Variants in GLI2 observed in about 807,000 individuals in gnomAD.
GLI2 encodes the protein GLI family zinc finger 2, also known as transcription activator GLI2.
Under a neutral mutation model 78.9 loss-of-function variants are expected in GLI2, and 22 were observed. The ratio of observed to expected loss-of-function variants is 0.28; its 90% CI spans 0.20 to 0.40. The LOEUF is 0.40. Ranked by LOEUF, GLI2 falls within the 10% of genes least tolerant of loss-of-function variation. The pLI is 1.00. For missense variants in GLI2, 2,097 were observed against 2,213.2 expected (o/e 0.95, Z 1.05); for synonymous variants, 974 against 963.7 (o/e 1.01, Z -0.20).
chr2:120,916,827 T>A (rs554279653), intron 2 of GLI2, among the ~76,000 whole-genome samples: 95 of 152,324 alleles, frequency 6.2e-4, no homozygotes, highest in African/African-American at 2.2e-3. Context: ...AGCCTGTGTA[T>A]GTCAAGGCCA....
chr2:120,797,167 C>A (rs1684433538), intron 1 of GLI2, 124 bp from the exon 2 acceptor site: 2 of 753,158 alleles, frequency 2.7e-6, no homozygotes, highest in East Asian at 2.5e-5. Context: ...CCCTCCTTCC[C>A]AATTATAAGA....
intron 2 of GLI2, among the ~76,000 whole-genome samples, chr2:120,906,877 G>A (rs1362637704): frequency 6.6e-6 from 1 of 152,144 alleles, no homozygotes; most frequent in Non-Finnish European, 1.5e-5. Context: ...TTGAGCATGA[G>A]TGCACCCCTC....
intron 2 of GLI2, among the ~76,000 whole-genome samples, chr2:120,923,715 CAG>C (rs1679518257): frequency 2.0e-5 from 3 of 152,206 alleles, no homozygotes; most frequent in East Asian, 1.9e-4. Flanking sequence ...CGTACTACAA[CAG>C]AGACACACAC....
intron 1 of GLI2, among the ~76,000 whole-genome samples, chr2:120,771,415 A>G (rs1683518395): frequency 6.6e-6 from 1 of 152,230 alleles, no homozygotes; most frequent in Admixed American, 6.5e-5. Flanking sequence ...CCGCATCTGT[A>G]AAATGACTGG....
chr2:120,816,752 C>T (rs193167034), intron 2 of GLI2, among the ~76,000 whole-genome samples: 1 of 152,192 alleles, frequency 6.6e-6, no homozygotes, highest in Admixed American at 6.5e-5. Context: ...TGCATTGAGT[C>T]TGTTGCACTA....
intron 2 of GLI2, among the ~76,000 whole-genome samples, chr2:120,910,669 G>A (rs914090265): frequency 6.6e-6 from 1 of 152,182 alleles, no homozygotes. Flanking sequence ...GGCAGAAGAG[G>A]GGCCCATTTT....
At chr2:120,768,818 T>C (rs1393529218) in intron 1 of GLI2, among the ~76,000 whole-genome samples, 2 of 151,934 alleles carry the variant, frequency 1.3e-5, no homozygotes, top group Non-Finnish European at 2.9e-5. Context: ...TGTGTGTGTG[T>C]GTGTGTGTGT....
intron 3 of GLI2, among the ~76,000 whole-genome samples, chr2:120,934,803 C>G (rs1377773089): frequency 6.6e-6 from 1 of 152,090 alleles, no homozygotes; most frequent in African/African-American, 2.4e-5. Context: ...AGAGTAGTTT[C>G]TTTGCTGCCA....
At chr2:120,859,754 C>T (rs1687820927) in intron 2 of GLI2, among the ~76,000 whole-genome samples, 1 of 144,002 alleles carries the variant, frequency 6.9e-6, no homozygotes, top group African/African-American at 2.5e-5. Flanking sequence ...CGGGCCCGGC[C>T]TTTTTTTTTT....
At chr2:120,942,971 C>CT (rs1680533874) in intron 3 of GLI2, among the ~76,000 whole-genome samples, 1 of 138,984 alleles carries the variant, frequency 7.2e-6, no homozygotes, top group African/African-American at 2.9e-5. Flanking sequence ...CGTTCACGCC[C>CT]TCACTCACTC....
chr2:120,882,353 C>A (rs1677194417), intron 2 of GLI2, among the ~76,000 whole-genome samples: 1 of 152,330 alleles, frequency 6.6e-6, no homozygotes, highest in South Asian at 2.1e-4. Flanking sequence ...GCTGCTTGGG[C>A]TGGAGGGCGC....
intron 2 of GLI2, among the ~76,000 whole-genome samples, chr2:120,801,794 G>A (rs926313344): frequency 2.4e-4 from 37 of 152,194 alleles, no homozygotes; most frequent in African/African-American, 8.2e-4. Flanking sequence ...AGTACCTCCC[G>A]TATTGTAGAT....
chr2:120,886,191 TGTGTGTGTGTGTGTGTGTGC>T (rs1219174821), intron 2 of GLI2, among the ~76,000 whole-genome samples: 531 of 42,784 alleles, frequency 0.012, 8 homozygotes, highest in Middle Eastern at 0.065. Flanking sequence ...TGTGTGTGTG[TGTGTGTGTGTGTGTGTGTGC>T]GTGTATATTT....
At chr2:120,848,970 A>G (rs1426703790) in intron 2 of GLI2, among the ~76,000 whole-genome samples, 1 of 152,232 alleles carries the variant, frequency 6.6e-6, no homozygotes, top group Non-Finnish European at 1.5e-5. Context: ...AACAAACTGT[A>G]GCTTACCATA....
At chr2:120,895,702 C>G (rs1395405191) in intron 2 of GLI2, among the ~76,000 whole-genome samples, 1 of 152,080 alleles carries the variant, frequency 6.6e-6, no homozygotes, top group Non-Finnish European at 1.5e-5. Context: ...GACTCCGTCA[C>G]AAAAAACAAG....
intron 1 of GLI2, among the ~76,000 whole-genome samples, chr2:120,778,105 T>C (rs1388359446): frequency 1.3e-5 from 2 of 152,104 alleles, no homozygotes; most frequent in Non-Finnish European, 2.9e-5. Context: ...GGTGGCCCAG[T>C]ACCCACTGTA....
Position 120,990,133 on chromosome 2 carries a change from C to T in GLI2, c.4168C>T (p.Pro1390Ser), listed in dbSNP as rs1278408896. ...RATGHAMAAM[P>S]SSQETAEAVP... ...CACAGGCCATGCCATGGCTGCCATG[C>T]CGTCCAGTCAGGAAACAGCAGAGGC... Residue 1390 changes from proline to serine, a missense_variant, in exon 14 of 14, where the codon CCG becomes TCG. Physicochemically the swap from Pro to Ser is moderately conservative, Grantham distance 74. This residue lies in a region of GLI2 where 1,290 missense variants were observed against 1,261.7 expected (regional missense o/e 1.02). Coordinates refer to ENST00000361492, the MANE Select transcript of GLI2 (RefSeq NM_001374353.1). 1 of 1,606,384 alleles carries T rather than the reference C, an allele frequency of 6.2e-7. No homozygotes were observed. Among genetic ancestry groups the T allele is most frequent in the South Asian group, 1.1e-5 (1 of 90,604 alleles).
chr2:120,803,059 A>G (rs978285729), intron 2 of GLI2, among the ~76,000 whole-genome samples: 7 of 152,254 alleles, frequency 4.6e-5, no homozygotes, highest in Admixed American at 3.3e-4. Flanking sequence ...CTTCCCATAC[A>G]TAAAATGGGA....
chr2:120,843,442 C>G (rs187021642), intron 2 of GLI2, among the ~76,000 whole-genome samples: 2 of 152,340 alleles, frequency 1.3e-5, no homozygotes, highest in East Asian at 3.9e-4. Flanking sequence ...TGTACCCAGT[C>G]TGTGTTTTGG....
Sources: gnomAD v4.1 joint callset for allele counts (sites outside exome capture counted in the v4.1 genomes callset) on GRCh38, gnomAD v4.1.1 for gene constraint, gnomAD v4.1.1 regional missense constraint, MANE v1.5 for transcripts, NCBI Gene and HGNC (gene_info 2026-07-23, HGNC 2026-07-21) for gene names.